BPTF: variants seen among roughly 807,000 people sequenced by gnomAD.
BPTF encodes the protein bromodomain PHD finger transcription factor, also known as nucleosome-remodeling factor subunit BPTF.
In BPTF, 18 loss-of-function variants were observed where a neutral mutation model predicts 292.5. The ratio of observed to expected loss-of-function variants is 0.06; its 90% CI spans 0.04 to 0.09. BPTF has a LOEUF of 0.09. Ranked by LOEUF, BPTF falls within the 10% of genes least tolerant of loss-of-function variation. The pLI is 1.00. For synonymous variants in BPTF, 1,225 were observed against 1,251.9 expected (o/e 0.98, Z 0.45); for missense variants, 2,726 against 3,498.7 (o/e 0.78, Z 5.57).
intron 23 of BPTF, among the ~76,000 whole-genome samples, chr17:67,952,240 A>G (rs1408442607): frequency 1.5e-5 from 2 of 136,032 alleles, no homozygotes; most frequent in Non-Finnish European, 3.1e-5. Flanking sequence ...GCCTATTCTT[A>G]TTTCTGCCTC....
chr17:67,961,448 G>C (rs1555683980), intron 24 of BPTF, among the ~76,000 whole-genome samples: 2 of 149,980 alleles, frequency 1.3e-5, no homozygotes, highest in African/African-American at 4.8e-5. Flanking sequence ...TTCAAGTCCT[G>C]AACATCCTTC....
intron 2 of BPTF, among the ~76,000 whole-genome samples, chr17:67,856,208 T>A (rs2145067837): frequency 6.6e-6 from 1 of 152,344 alleles, no homozygotes; most frequent in East Asian, 1.9e-4. Context: ...GTTCAGTTTT[T>A]TAAGATTTCC....
Position 67,911,537 on chromosome 17 carries a change from C to T in BPTF, c.3653C>T (p.Ser1218Phe). Reference protein sequence around the residue: ...TKGNDFFIDDSKLASADDIGT... With the variant: ...TKGNDFFIDDFKLASADDIGT... ...GGAAATGATTTTTTCATCGATGACT[C>T]TAAACTAGCCAGTGCAGATGATATT... The change falls in exon 11 of 28, where the codon TCT (serine) becomes TTT (phenylalanine). Residue 1218 changes from serine (S) to phenylalanine (F), a missense_variant. Transcript: ENST00000306378. 6.2e-7 allele frequency: 1 copy of T among 1,613,880 alleles called. No homozygotes were observed. Among genetic ancestry groups the T allele is most frequent in the Non-Finnish European group, 8.5e-7 (1 of 1,179,972 alleles).
At chr17:67,896,109 C>CCTG (rs2061428129) in intron 7 of BPTF, among the ~76,000 whole-genome samples, 1 of 152,054 alleles carries the variant, frequency 6.6e-6, no homozygotes, top group South Asian at 2.1e-4. Context: ...ACTATAGGCA[C>CCTG]CCACCACTAT....
chr17:67,872,819 G>A (rs2059825680), intron 3 of BPTF, among the ~76,000 whole-genome samples: 2 of 152,176 alleles, frequency 1.3e-5, no homozygotes, highest in Non-Finnish European at 2.9e-5. Flanking sequence ...GGAATTAAGG[G>A]CTGGGCACTG....
intron 3 of BPTF, among the ~76,000 whole-genome samples, chr17:67,871,121 C>T (rs993576795): frequency 3.9e-5 from 6 of 152,124 alleles, no homozygotes; most frequent in Non-Finnish European, 8.8e-5. Context: ...TCTACACACA[C>T]ACGTGTCTAC....
chr17:67,833,566 A>T (rs1418801097), intron 1 of BPTF, among the ~76,000 whole-genome samples: 2 of 151,356 alleles, frequency 1.3e-5, no homozygotes, highest in Non-Finnish European at 2.9e-5. Flanking sequence ...ATTCAGTTTT[A>T]ATTTCTTTCT....
At chr17:67,932,248 T>C (rs2064461801) in intron 18 of BPTF, among the ~76,000 whole-genome samples, 1 of 152,110 alleles carries the variant, frequency 6.6e-6, no homozygotes, top group Non-Finnish European at 1.5e-5. Flanking sequence ...AAATCACTAA[T>C]AAATAAAATA....
chr17:67,921,710 G>T (rs978218219), intron 13 of BPTF, among the ~76,000 whole-genome samples: 3 of 152,006 alleles, frequency 2.0e-5, no homozygotes, highest in African/African-American at 7.2e-5. Context: ...AGTAATACCT[G>T]TTCCTAGTAG....
intron 1 of BPTF, among the ~76,000 whole-genome samples, chr17:67,845,410 C>A (rs1235960416): frequency 6.6e-6 from 1 of 152,242 alleles, no homozygotes; most frequent in African/African-American, 2.4e-5. Context: ...TTGAAGACAT[C>A]TCCCTTTCTT....
intron 1 of BPTF, among the ~76,000 whole-genome samples, chr17:67,835,663 A>ATTT (rs142633440): frequency 3.5e-5 from 5 of 141,204 alleles, no homozygotes; most frequent in African/African-American, 5.3e-5. Flanking sequence ...AGTCCTGGTA[A>ATTT]TTTTTTTTTT....
intron 1 of BPTF, among the ~76,000 whole-genome samples, chr17:67,843,754 C>CTTTTTTTTTTTTTTTTTTTTTTT (rs56335701): frequency 6.4e-5 from 4 of 62,274 alleles, no homozygotes; most frequent in African/African-American, 3.4e-4. Flanking sequence ...GAGCAGTTGT[C>CTTTTTTTTTTTTTTTTTTTTTTT]TTTTTTTTTT....
chr17:67,843,961 C>T (rs2057800318), intron 1 of BPTF, among the ~76,000 whole-genome samples: 1 of 150,180 alleles, frequency 6.7e-6, no homozygotes, highest in Non-Finnish European at 1.5e-5. Context: ...GATGGGGTTT[C>T]ACCATGTTGG....
intron 4 of BPTF, among the ~76,000 whole-genome samples, chr17:67,877,990 C>G (rs1410346021): frequency 6.6e-6 from 1 of 152,190 alleles, no homozygotes; most frequent in African/African-American, 2.4e-5. Context: ...AAGTGAATAA[C>G]TTGATGGATG....
chr17:67,867,669 G>A (rs546836342), intron 3 of BPTF, among the ~76,000 whole-genome samples: 2 of 152,300 alleles, frequency 1.3e-5, no homozygotes, highest in Admixed American at 6.5e-5. Flanking sequence ...GGGAGGAGTA[G>A]TGGTTAGGTA....
At chr17:67,919,155 G>A (rs1647594353) in intron 12 of BPTF, among the ~76,000 whole-genome samples, 1 of 148,260 alleles carries the variant, frequency 6.7e-6, no homozygotes, top group African/African-American at 2.5e-5. Flanking sequence ...CAGTGCGACA[G>A]AGTGAGACTC....
intron 3 of BPTF, 147 bp downstream of exon 3, chr17:67,866,834 C>T: frequency 1.5e-6 from 1 of 654,908 alleles, no homozygotes; most frequent in Non-Finnish European, 2.7e-6. Flanking sequence ...AAAAATGTGT[C>T]ATTTGACAAT....
chr17:67,916,849 A>C (rs997633448), intron 11 of BPTF, among the ~76,000 whole-genome samples: 1 of 151,730 alleles, frequency 6.6e-6, no homozygotes, highest in East Asian at 1.9e-4. Flanking sequence ...TTAGAAGAGG[A>C]AATTATTTTT....
intron 21 of BPTF, among the ~76,000 whole-genome samples, chr17:67,947,275 T>C (rs1555675985): frequency 1.3e-5 from 2 of 152,248 alleles, no homozygotes; most frequent in African/African-American, 2.4e-5. Flanking sequence ...TGAGAATTAC[T>C]ACACTGTCTG....
Sources: allele counts gnomAD v4.1 joint callset (sites outside exome capture counted in the v4.1 genomes callset), GRCh38; gene constraint gnomAD v4.1.1; transcripts MANE v1.5; gene names NCBI Gene and HGNC (gene_info 2026-07-23, HGNC 2026-07-21).